Variants in R3HCC1L observed in about 807,000 individuals in gnomAD.
The protein encoded by R3HCC1L is coiled-coil domain-containing protein R3HCC1L.
A neutral mutation model predicts 59.9 loss-of-function variants in R3HCC1L; 51 were observed. The observed-to-expected ratio is 0.85, with a 90% confidence interval of 0.68 to 1.07. The LOEUF (loss-of-function observed/expected upper bound fraction) is 1.07, where lower values mean the gene tolerates loss of function less well. R3HCC1L is among the 50% of genes least tolerant of loss of function. R3HCC1L has a pLI of 0.00. For missense variants in R3HCC1L, 965 were observed against 933.0 expected, an observed-to-expected ratio of 1.03 and a Z score of -0.45; for synonymous variants, 322 against 315.2, an observed-to-expected ratio of 1.02 and a Z score of -0.23.
intron 2 of R3HCC1L, among the ~76,000 whole-genome samples, chr10:98,158,819 T>TC (rs1847130502): frequency 6.6e-6 from 1 of 151,986 alleles, no homozygotes; most frequent in Non-Finnish European, 1.5e-5. Context: ...ACTTTTTTTT[T>TC]TTTTTGGAGA....
chr10:98,226,313 A>G (rs1487624998), intron 5 of R3HCC1L, among the ~76,000 whole-genome samples: 1 of 152,264 alleles, frequency 6.6e-6, no homozygotes. Flanking sequence ...ACAATTTTAC[A>G]ATAACCTCAA....
chr10:98,244,271 T>G lies in R3HCC1L; in HGVS notation c.*113T>G. On this transcript the variant is annotated 3_prime_UTR_variant, in exon 10 of 10. Transcript: ENST00000298999. The stretch of plus-strand genomic sequence containing the variant: ...CATGCAGATGTGCATGTTAAAGAGA[T>G]AAAGTGATCGAGACAAGGACTGACT... 4.9e-6 allele frequency: 5 copies of G among 1,027,828 alleles called. No homozygotes were observed. The highest frequency in any genetic ancestry group is 1.4e-5 in the South Asian group (1 of 71,448). The allele number at this position is 1,027,828 out of a possible 1,614,324, so 63.7% of individuals were successfully genotyped here.
chr10:98,142,134 A>T (rs1305136251), intron 1 of R3HCC1L, among the ~76,000 whole-genome samples: 4 of 152,216 alleles, frequency 2.6e-5, no homozygotes, highest in Non-Finnish European at 5.9e-5. Flanking sequence ...TAAGCTCTGA[A>T]CAAGATCTTA....
chr10:98,228,964 C>G (rs371120276), intron 5 of R3HCC1L, among the ~76,000 whole-genome samples: 2 of 152,072 alleles, frequency 1.3e-5, no homozygotes, highest in Non-Finnish European at 2.9e-5. Context: ...GGTACCAGTA[C>G]CATGCTGTTT....
chr10:98,154,458 CAT>C (rs1846636686), intron 1 of R3HCC1L, among the ~76,000 whole-genome samples: 1 of 152,156 alleles, frequency 6.6e-6, no homozygotes, highest in African/African-American at 2.4e-5. Context: ...CAACCTGTCA[CAT>C]GAGATCAGGT....
intron 8 of R3HCC1L, 117 bp from the exon 9 acceptor site, chr10:98,235,907 C>T: frequency 8.5e-7 from 1 of 1,172,494 alleles, no homozygotes; most frequent in Non-Finnish European, 1.2e-6. Flanking sequence ...GTATTAATTA[C>T]TGCTGATGCA....
intron 5 of R3HCC1L, among the ~76,000 whole-genome samples, chr10:98,211,760 T>C (rs545825813): frequency 6.6e-6 from 1 of 152,076 alleles, no homozygotes; most frequent in South Asian, 2.1e-4. Context: ...CCAGGGGCTT[T>C]CAAAACATCA....
chr10:98,142,483 C>A (rs990980029), intron 1 of R3HCC1L, among the ~76,000 whole-genome samples: 23 of 151,798 alleles, frequency 1.5e-4, no homozygotes, highest in Non-Finnish European at 1.2e-4. Context: ...ACTAAAAATA[C>A]AAAAATTAGC....
chr10:98,204,718 T>G (rs897572546), intron 4 of R3HCC1L, among the ~76,000 whole-genome samples: 24 of 152,164 alleles, frequency 1.6e-4, no homozygotes, highest in African/African-American at 5.6e-4. Flanking sequence ...CACGTAACTT[T>G]TATATATTAT....
At chr10:98,137,895 AT>A (rs993022524) in intron 1 of R3HCC1L, among the ~76,000 whole-genome samples, 1 of 151,642 alleles carries the variant, frequency 6.6e-6, no homozygotes, top group Non-Finnish European at 1.5e-5. Context: ...TTTTATTTTT[AT>A]TTTTTTTAAG....
chr10:98,172,169 A>G (rs1029083760), intron 4 of R3HCC1L, among the ~76,000 whole-genome samples: 5 of 152,158 alleles, frequency 3.3e-5, no homozygotes, highest in African/African-American at 1.2e-4. Context: ...GATGATTCTA[A>G]TAGCTTTACA....
chr10:98,182,757 C>A (rs769435431), intron 4 of R3HCC1L, among the ~76,000 whole-genome samples: 1 of 152,182 alleles, frequency 6.6e-6, no homozygotes, highest in Admixed American at 6.5e-5. Flanking sequence ...GGACGCCCCT[C>A]CCTGAGCCAG....
chr10:98,230,850 T>G (rs1856292082), intron 5 of R3HCC1L, among the ~76,000 whole-genome samples: 1 of 152,170 alleles, frequency 6.6e-6, no homozygotes. Context: ...AGTTCAGCTT[T>G]TTTTATAGGA....
intron 6 of R3HCC1L, among the ~76,000 whole-genome samples, chr10:98,233,877 A>G (rs1856643301): frequency 6.6e-6 from 1 of 152,094 alleles, no homozygotes; most frequent in Non-Finnish European, 1.5e-5. Context: ...CCCTTCTGCA[A>G]CAAGTGAAGA....
chr10:98,180,711 C>G (rs1231498740), intron 4 of R3HCC1L, among the ~76,000 whole-genome samples: 1 of 152,116 alleles, frequency 6.6e-6, no homozygotes, highest in Admixed American at 6.5e-5. Context: ...TCTCTAAGTA[C>G]TTGCTTTATG....
intron 7 of R3HCC1L, among the ~76,000 whole-genome samples, chr10:98,235,065 T>TA (rs1856776883): frequency 6.6e-6 from 1 of 152,166 alleles, no homozygotes; most frequent in South Asian, 2.1e-4. Context: ...AAACAGTAAA[T>TA]ACAATATTTT....
At chr10:98,158,162 A>G (rs955646569) in intron 2 of R3HCC1L, among the ~76,000 whole-genome samples, 4 of 152,208 alleles carry the variant, frequency 2.6e-5, no homozygotes, top group African/African-American at 9.6e-5. Context: ...AGATCAGTGT[A>G]TATATTTTTC....
chr10:98,231,798 A>G lies in R3HCC1L; in HGVS notation c.1961+111A>G. 4 of 1,165,136 alleles carry G rather than the reference A, an allele frequency of 3.4e-6. 1 individual carries two copies. In the South Asian group the frequency reaches 6.6e-5, roughly 19 times the overall value. The allele number at this position is 1,165,136 out of a possible 1,614,324, so 72.2% of individuals were successfully genotyped here. On this transcript the variant is annotated intron_variant, in intron 6 of 9. Coordinates refer to ENST00000298999, the MANE Select transcript of R3HCC1L (RefSeq NM_001351015.2). ...TATATCCCGTTTTTCATATTTTAGC[A>G]TCAGGCTGGTTTATTGTCTTTTCCA...
chr10:98,241,074 GATCATATA>G (rs1484811805), intron 9 of R3HCC1L, among the ~76,000 whole-genome samples: 1 of 151,890 alleles, frequency 6.6e-6, no homozygotes, highest in Non-Finnish European at 1.5e-5. Flanking sequence ...CATATATTAT[GATCATATA>G]AATATTTAGT....
Sources: gnomAD v4.1 joint callset for allele counts (sites outside exome capture counted in the v4.1 genomes callset) on GRCh38, gnomAD v4.1.1 for gene constraint, MANE v1.5 for transcripts, NCBI Gene and HGNC (gene_info 2026-07-23, HGNC 2026-07-21) for gene names.